Variants in FBXW11 observed in about 807,000 individuals in gnomAD.
FBXW11 encodes the protein F-box/WD repeat-containing protein 11.
Under a neutral mutation model 77.6 loss-of-function variants are expected in FBXW11, and 19 were observed. The observed-to-expected ratio is 0.24, with a 90% CI of 0.17 to 0.36. The LOEUF (loss-of-function observed/expected upper bound fraction) is 0.36. Ranked by LOEUF, FBXW11 falls within the 10% of genes least tolerant of loss-of-function variation. The probability of loss-of-function intolerance (pLI) is 1.00; values close to 1 mark genes in which losing one functional copy is unlikely to be tolerated. For synonymous variants in FBXW11, 235 were observed against 249.4 expected, an observed-to-expected ratio of 0.94 and a Z score of 0.54; for missense variants, 334 against 704.2, an observed-to-expected ratio of 0.47 and a Z score of 5.95.
intron 6 of FBXW11, among the ~76,000 whole-genome samples, chr5:171,898,522 G>C (rs1759903223): frequency 2.0e-5 from 3 of 152,126 alleles, no homozygotes. Flanking sequence ...ATCCAAAATG[G>C]TCCAGGAGCA....
At chr5:171,966,310 T>C (rs1221330475) in intron 1 of FBXW11, among the ~76,000 whole-genome samples, 3 of 152,002 alleles carry the variant, frequency 2.0e-5, no homozygotes, top group African/African-American at 7.3e-5. Context: ...AACATCAAAA[T>C]CATAATGGTT....
chr5:171,873,117 T>A, intron 9 of FBXW11, 127 bp from the exon 10 acceptor site: 2 of 772,888 alleles, frequency 2.6e-6, no homozygotes, highest in Non-Finnish European at 4.1e-6. Context: ...CGGTGTCCTC[T>A]AACTCAAAGT....
intron 1 of FBXW11, among the ~76,000 whole-genome samples, chr5:171,968,438 A>C (rs997576543): frequency 1.4e-5 from 2 of 147,636 alleles, no homozygotes; most frequent in Admixed American, 7.0e-5. Flanking sequence ...GCCTGGGCGA[A>C]AGAGCCAGAC....
At chr5:171,975,320 T>TG (rs1764768203) in intron 1 of FBXW11, among the ~76,000 whole-genome samples, 1 of 152,118 alleles carries the variant, frequency 6.6e-6, no homozygotes, top group Non-Finnish European at 1.5e-5. Flanking sequence ...CAGAGGCAGT[T>TG]TAGGCAGAGG....
chr5:171,939,515 G>T (rs1341741839), intron 2 of FBXW11, among the ~76,000 whole-genome samples: 2 of 152,046 alleles, frequency 1.3e-5, no homozygotes, highest in African/African-American at 4.8e-5. Context: ...TGTGCAACAT[G>T]CCAAGACCCC....
At chr5:171,893,310 G>A (rs2113851709) in intron 6 of FBXW11, among the ~76,000 whole-genome samples, 1 of 149,004 alleles carries the variant, frequency 6.7e-6, no homozygotes, top group Non-Finnish European at 1.5e-5. Flanking sequence ...GATGCCAGGA[G>A]AGGGGAAATA....
intron 10 of FBXW11, among the ~76,000 whole-genome samples, chr5:171,872,173 A>C (rs1581124904): frequency 6.6e-6 from 1 of 152,266 alleles, no homozygotes; most frequent in Non-Finnish European, 1.5e-5. Flanking sequence ...TTAGTCACTT[A>C]TGTAAAGCTA....
At chr5:171,880,338 G>A (rs1192492188) in intron 7 of FBXW11, among the ~76,000 whole-genome samples, 1 of 152,188 alleles carries the variant, frequency 6.6e-6, no homozygotes, top group Non-Finnish European at 1.5e-5. Flanking sequence ...CCACTGTGAT[G>A]ACTGCAGTTT....
At chr5:171,973,133 T>C (rs1764626414) in intron 1 of FBXW11, among the ~76,000 whole-genome samples, 2 of 152,196 alleles carry the variant, frequency 1.3e-5, no homozygotes, top group Non-Finnish European at 1.5e-5. Context: ...TGTTTTTTAA[T>C]TGAGGCAAAA....
At chr5:171,872,189 ATG>A (rs1757793302) in intron 10 of FBXW11, among the ~76,000 whole-genome samples, 1 of 152,234 alleles carries the variant, frequency 6.6e-6, no homozygotes, top group African/African-American at 2.4e-5. Context: ...AGCTACTAGC[ATG>A]TGTTTGCTTG....
chr5:171,955,558 A>G (rs1473006292), intron 2 of FBXW11, among the ~76,000 whole-genome samples: 2 of 152,222 alleles, frequency 1.3e-5, no homozygotes, highest in African/African-American at 4.8e-5. Context: ...TGTTGGCATT[A>G]AAATAATACT....
chr5:171,997,012 C>T (rs1262737514), intron 1 of FBXW11: 1 of 1,289,760 alleles, frequency 7.8e-7, no homozygotes, highest in Non-Finnish European at 1.0e-6. Context: ...TTACTGTATC[C>T]AGCTTTCTTC....
chr5:171,898,934 C>A, intron 6 of FBXW11, 70 bp downstream of exon 6: 1 of 1,024,022 alleles, frequency 9.8e-7, no homozygotes, highest in Middle Eastern at 3.2e-4. Context: ...CAAAAGAACA[C>A]TCTAAGGCAA....
At chr5:171,999,767 C>T (rs1766301460) in intron 1 of FBXW11, among the ~76,000 whole-genome samples, 1 of 152,090 alleles carries the variant, frequency 6.6e-6, no homozygotes, top group Admixed American at 6.5e-5. Flanking sequence ...ACAATGGTTT[C>T]CTACATTCAA....
intron 1 of FBXW11, among the ~76,000 whole-genome samples, chr5:171,962,160 A>G (rs894990924): frequency 4.6e-5 from 7 of 152,172 alleles, no homozygotes; most frequent in African/African-American, 1.7e-4. Flanking sequence ...ATGTCTGAAG[A>G]ATACCCCTGA....
At chr5:171,922,465 T>G (rs1761650879) in intron 2 of FBXW11, among the ~76,000 whole-genome samples, 2 of 152,210 alleles carry the variant, frequency 1.3e-5, no homozygotes, top group African/African-American at 4.8e-5. Flanking sequence ...AGTATTCATT[T>G]TGAAAAAGAA....
intron 1 of FBXW11, among the ~76,000 whole-genome samples, chr5:171,972,125 T>G (rs1262613492): frequency 7.8e-6 from 1 of 128,396 alleles, no homozygotes; most frequent in Non-Finnish European, 1.6e-5. Context: ...ACAGCTACTC[T>G]GAAGGCTGAG....
chr5:171,916,198 C>G (rs572201656), intron 2 of FBXW11, among the ~76,000 whole-genome samples: 1 of 148,458 alleles, frequency 6.7e-6, no homozygotes, highest in Non-Finnish European at 1.5e-5. Context: ...TGTAACAAAC[C>G]TGCACATTGT....
chr5:171,978,939 G>C (rs576250810), intron 1 of FBXW11, among the ~76,000 whole-genome samples: 1 of 151,978 alleles, frequency 6.6e-6, no homozygotes, highest in African/African-American at 2.4e-5. Context: ...GAGATTTTTT[G>C]ATTTATTAAA....
Sources: allele counts gnomAD v4.1 joint callset (sites outside exome capture counted in the v4.1 genomes callset), GRCh38; gene constraint gnomAD v4.1.1; transcripts MANE v1.5; gene names NCBI Gene and HGNC (gene_info 2026-07-23, HGNC 2026-07-21).